The following SLIT1 variants were observed in gnomAD, a reference collection of about 807,000 sequenced individuals.
The protein encoded by SLIT1 is slit guidance ligand 1.
A neutral mutation model predicts 186.1 loss-of-function variants in SLIT1; 66 were observed. The observed-to-expected ratio is 0.35, with a 90% CI of 0.29 to 0.44. The LOEUF (loss-of-function observed/expected upper bound fraction) is 0.44. Among genes scored for constraint, SLIT1 ranks in the 20% least tolerant of loss-of-function variants. The pLI is 1.00. For synonymous variants in SLIT1, 761 were observed against 833.8 expected (o/e 0.91, Z 1.50); for missense variants, 1,638 against 2,037.4 (o/e 0.80, Z 3.77).
intron 4 of SLIT1, among the ~76,000 whole-genome samples, chr10:97,134,657 C>T (rs975346658): frequency 3.3e-5 from 5 of 152,196 alleles, no homozygotes; most frequent in Non-Finnish European, 4.4e-5. Context: ...CATCCCTCCA[C>T]GCCAGGCCCA....
intron 22 of SLIT1, 58 bp downstream of exon 22, chr10:97,037,640 G>T: frequency 7.5e-7 from 1 of 1,337,806 alleles, no homozygotes; most frequent in Non-Finnish European, 1.1e-6. Context: ...AGGAAAGCCG[G>T]AGTCCTGATG....
chr10:97,079,972 T>G (rs938681346), intron 4 of SLIT1, among the ~76,000 whole-genome samples: 19 of 152,324 alleles, frequency 1.2e-4, no homozygotes, highest in Admixed American at 1.2e-3. Context: ...TAGGTCCAAA[T>G]GCCTTCTCTG....
At chr10:97,127,577 C>T (rs1849616051) in intron 4 of SLIT1, among the ~76,000 whole-genome samples, 1 of 152,198 alleles carries the variant, frequency 6.6e-6, no homozygotes, top group Admixed American at 6.5e-5. Flanking sequence ...GGAACCACGT[C>T]CTCTGGGCAC....
At chr10:97,133,871 T>C (rs1025780157) in intron 4 of SLIT1, among the ~76,000 whole-genome samples, 4 of 152,186 alleles carry the variant, frequency 2.6e-5, no homozygotes, top group African/African-American at 9.7e-5. Context: ...CCAGGTCCTG[T>C]ATCCCCTGGC....
rs746507859 is a variant in SLIT1, at chr10:97,042,977, C to T, written c.2088G>A (p.Pro696=). The change falls in exon 20 of 37, where the codon CCG becomes CCA. Residue 696 remains proline, a synonymous_variant. Coordinates refer to ENST00000266058, the MANE Select transcript of SLIT1 (RefSeq NM_003061.3). ...LRKRKIVTGN[P]RCQNPDFLRQ... ...GCAAAAAGTCAGGGTTCTGGCATCG[C>T]GGGTTCCCCGTCACGATCTTGCGCT... 1.6e-5 allele frequency: 26 copies of T among 1,614,116 alleles called. No individual in the cohort carries two copies. The highest frequency in any genetic ancestry group is 1.0e-4 in the Admixed American group (6 of 60,016).
At chr10:97,133,150 C>T (rs989154999) in intron 4 of SLIT1, among the ~76,000 whole-genome samples, 3 of 152,118 alleles carry the variant, frequency 2.0e-5, no homozygotes, top group African/African-American at 4.8e-5. Context: ...AAAATGTGTA[C>T]AGACAATGGA....
At chr10:97,146,699 T>C (rs1849821825) in intron 4 of SLIT1, among the ~76,000 whole-genome samples, 1 of 152,182 alleles carries the variant, frequency 6.6e-6, no homozygotes, top group Admixed American at 6.5e-5. Context: ...GCTGGAAAGT[T>C]CTGAGTCTAC....
chr10:97,138,307 G>C (rs928681505), intron 4 of SLIT1, among the ~76,000 whole-genome samples: 5 of 152,176 alleles, frequency 3.3e-5, no homozygotes, highest in Non-Finnish European at 7.3e-5. Context: ...CCCCACTTAC[G>C]GGCCTCCGGG....
In SLIT1 at chr10:97,022,779, C is replaced by T. The variant is rs1258956932; in HGVS notation, c.2583-1366G>A. 2.6e-5 allele frequency among the ~76,000 whole-genome samples: 4 copies of T among 152,240 alleles called. No individual in the cohort carries two copies. The highest frequency in any genetic ancestry group is 5.9e-5 in the Non-Finnish European group (4 of 68,026). Reference sequence around the variant, plus strand: ...CCCTCCACAAAGGGGCACACAGTCACAGGGTCACCATGCTCAGGCGTGTAG... The same window carrying T: ...CCCTCCACAAAGGGGCACACAGTCATAGGGTCACCATGCTCAGGCGTGTAG... On this transcript the variant is annotated intron_variant, in intron 25 of 36. Transcript: ENST00000266058. This position sits in a 1 kb window ranked among gnomAD's most constrained non-coding sequence, Gnocchi z 4.2.
chr10:97,100,601 C>T (rs1469192566), intron 4 of SLIT1, among the ~76,000 whole-genome samples: 1 of 149,474 alleles, frequency 6.7e-6, no homozygotes. Flanking sequence ...CATCACTGCA[C>T]TACAGCCTGG....
At chr10:97,042,071 G>C (rs903251862) in intron 20 of SLIT1, among the ~76,000 whole-genome samples, 1 of 152,062 alleles carries the variant, frequency 6.6e-6, no homozygotes, top group African/African-American at 2.4e-5. Context: ...AGTATTCTTA[G>C]AGAATTCATT....
At chr10:97,183,759 G>C (rs1850372967) in intron 1 of SLIT1, among the ~76,000 whole-genome samples, 1 of 152,154 alleles carries the variant, frequency 6.6e-6, no homozygotes, top group Non-Finnish European at 1.5e-5. Flanking sequence ...ATGTGTCTTA[G>C]ATCTAGGCTG....
At chr10:97,016,266 G>A (rs1220481001) in intron 28 of SLIT1, among the ~76,000 whole-genome samples, 3 of 151,678 alleles carry the variant, frequency 2.0e-5, no homozygotes, top group African/African-American at 7.3e-5. Flanking sequence ...TCGAGATCTC[G>A]CCACTGCACT....
At chr10:97,019,197 C>T in intron 26 of SLIT1, 90 bp from the exon 27 acceptor site, 1 of 818,588 alleles carries the variant, frequency 1.2e-6, no homozygotes, top group Non-Finnish European at 2.0e-6. Flanking sequence ...AGCCCATGTC[C>T]AAGGAGCCGT....
intron 25 of SLIT1, among the ~76,000 whole-genome samples, chr10:97,023,633 T>G (rs578128537): frequency 1.9e-4 from 29 of 152,178 alleles, no homozygotes; most frequent in African/African-American, 5.3e-4. Context: ...AAGACATGGA[T>G]TTTAGGGTAA....
At chr10:97,034,643 C>T (rs1249312894) in intron 22 of SLIT1, 101 bp from the exon 23 acceptor site, 26 of 1,100,508 alleles carry the variant, frequency 2.4e-5, no homozygotes, top group South Asian at 1.1e-4. Context: ...GGGCCATTCC[C>T]CAGCCAGGTT....
chr10:97,162,767 C>T (rs1323399074), intron 3 of SLIT1, among the ~76,000 whole-genome samples: 3 of 118,042 alleles, frequency 2.5e-5, no homozygotes, highest in African/African-American at 6.2e-5. Context: ...TTCAGAAGGA[C>T]GAGATCGGCG....
At position 97,185,762 on chromosome 10, in the gene SLIT1, G is replaced by T. The variant is rs1850406159; in HGVS notation, c.-88C>A. 7.5e-6 allele frequency: 9 copies of T among 1,195,430 alleles called. No homozygotes were observed. The South Asian group carries it at 1.4e-4, about 19-fold the overall frequency. 74.1% of individuals were successfully genotyped at this position (1,195,430 alleles called of 1,614,324 possible). A position where few individuals can be genotyped will look rare whatever the true frequency, so the allele number is the denominator to read the frequency against. ...GGGCCGCCTCCAGGTGCAGTCCCGG[G>T]GCAGAGCCACCGAAGAGCCCGCGGG... On this transcript the variant is annotated 5_prime_UTR_variant, in exon 1 of 37. Coordinates refer to ENST00000266058, the MANE Select transcript of SLIT1 (RefSeq NM_003061.3).
intron 11 of SLIT1, 105 bp downstream of exon 11, chr10:97,059,355 G>A (rs1055724518): frequency 3.3e-6 from 3 of 901,706 alleles, no homozygotes; most frequent in Non-Finnish European, 5.4e-6. Flanking sequence ...TGTGGAGGGG[G>A]GCATAGCCCT....
Sources: gnomAD v4.1 joint callset for allele counts (sites outside exome capture counted in the v4.1 genomes callset) on GRCh38, gnomAD v4.1.1 for gene constraint, Gnocchi (gnomAD v3.1) non-coding constraint, MANE v1.5 for transcripts, NCBI Gene and HGNC (gene_info 2026-07-23, HGNC 2026-07-21) for gene names.